Variants in DACH2 observed in about 807,000 individuals in gnomAD.
DACH2 encodes the protein dachshund family transcription factor 2, also known as dachshund homolog 2.
A neutral mutation model predicts 35.8 loss-of-function variants in DACH2; 17 were observed. That is an observed-to-expected ratio of 0.48 (90% CI 0.33 to 0.71). The LOEUF is 0.71. DACH2 is among the 30% of genes least tolerant of loss of function. DACH2 has a pLI of 0.02. For synonymous variants in DACH2, 195 were observed against 177.3 expected, an observed-to-expected ratio of 1.10 and a Z score of -0.79; for missense variants, 469 against 472.7, an observed-to-expected ratio of 0.99 and a Z score of 0.07.
In DACH2 at chrX:86,444,620, G is replaced by C. The variant is rs773065425; in HGVS notation, c.527+67758G>C. 1.3e-4 allele frequency among the ~76,000 whole-genome samples: 15 copies of C among 111,381 alleles called. No individual in the cohort carries two copies. The South Asian group carries it at 5.6e-3, about 41-fold the overall frequency. Reference sequence around the variant, plus strand: ...GTTATTTTATATTTCTGTGGTATCAGTTGTAATATCTCCTTTTTCATCTCT... The same window carrying C: ...GTTATTTTATATTTCTGTGGTATCACTTGTAATATCTCCTTTTTCATCTCT... On this transcript the variant is annotated intron_variant, in intron 2 of 11. Coordinates refer to ENST00000373125, the MANE Select transcript of DACH2 (RefSeq NM_053281.3).
rs917838907 is a variant in DACH2 at position 86,645,293 on chromosome X, C to T, written c.641-5743C>T. ...TTTTCAAAAGAAGACCTACATGCAGCGAACAAGCATATGAAAAAACAACTC... is the reference window on the plus strand; with the variant it reads ...TTTTCAAAAGAAGACCTACATGCAGTGAACAAGCATATGAAAAAACAACTC... On this transcript the variant is annotated intron_variant, in intron 3 of 11. Coordinates refer to ENST00000373125, the MANE Select transcript of DACH2 (RefSeq NM_053281.3). Among the ~76,000 whole-genome samples, 7 of 110,509 alleles carry T rather than the reference C, an allele frequency of 6.3e-5. No homozygotes were observed. The East Asian group carries it at 1.1e-3, about 18-fold the overall frequency.
intron 1 of DACH2, among the ~76,000 whole-genome samples, chrX:86,231,756 G>T (rs189350303): frequency 1.8e-5 from 2 of 112,329 alleles, no homozygotes; most frequent in East Asian, 5.7e-4. Context: ...TGACCAAGAG[G>T]CTTTTCATCC....
At chrX:86,519,741 A>G (rs2038524082) in intron 3 of DACH2, among the ~76,000 whole-genome samples, 1 of 109,106 alleles carries the variant, frequency 9.2e-6, no homozygotes, top group Non-Finnish European at 1.9e-5. Context: ...CAGTAATAAC[A>G]TTCCCTTCAT....
intron 2 of DACH2, among the ~76,000 whole-genome samples, chrX:86,443,118 T>C (rs940520193): frequency 8.9e-6 from 1 of 111,815 alleles, no homozygotes; most frequent in Non-Finnish European, 1.9e-5. Context: ...GAAATGTCAT[T>C]GATATTTTAA....
chrX:86,365,604 T>G (rs1447046826), intron 1 of DACH2, among the ~76,000 whole-genome samples: 1 of 111,910 alleles, frequency 8.9e-6, no homozygotes, highest in Non-Finnish European at 1.9e-5. Context: ...ATTTTTAATT[T>G]CCATTAAAAA....
chrX:86,378,248 A>G (rs1268535459), intron 2 of DACH2, among the ~76,000 whole-genome samples: 4 of 109,996 alleles, frequency 3.6e-5, no homozygotes, highest in African/African-American at 1.3e-4. Context: ...ATGTACATAT[A>G]TATATATAAT....
At chrX:86,748,381 A>G (rs750812202) in intron 7 of DACH2, among the ~76,000 whole-genome samples, 3 of 112,240 alleles carry the variant, frequency 2.7e-5, no homozygotes, top group African/African-American at 9.7e-5. Flanking sequence ...TTCTTAAATA[A>G]CGAAACTCGA....
intron 1 of DACH2, among the ~76,000 whole-genome samples, chrX:86,187,044 ATAT>A (rs1201221513): frequency 1.8e-5 from 2 of 111,905 alleles, no homozygotes; most frequent in Non-Finnish European, 3.8e-5. Flanking sequence ...GTTTCCTATA[ATAT>A]TATTTTATTG....
intron 1 of DACH2, among the ~76,000 whole-genome samples, chrX:86,277,645 C>T (rs1428460921): frequency 8.9e-6 from 1 of 112,094 alleles, no homozygotes; most frequent in East Asian, 2.8e-4. Flanking sequence ...TGCTAACAAA[C>T]ATACAGTGCA....
intron 7 of DACH2, among the ~76,000 whole-genome samples, chrX:86,796,199 A>G (rs1288872746): frequency 9.0e-6 from 1 of 111,337 alleles, no homozygotes; most frequent in African/African-American, 3.3e-5. Context: ...CTTTAGCTAG[A>G]CCCAGAGCGC....
At chrX:86,467,294 C>T (rs915033451) in intron 2 of DACH2, among the ~76,000 whole-genome samples, 2 of 111,294 alleles carry the variant, frequency 1.8e-5, no homozygotes, top group African/African-American at 6.5e-5. Context: ...ATATCTAGGG[C>T]AGGGGCAACA....
At chrX:86,205,410 TTTCC>T (rs1316814460) in intron 1 of DACH2, among the ~76,000 whole-genome samples, 1 of 23,698 alleles carries the variant, frequency 4.2e-5, no homozygotes, top group African/African-American at 1.4e-4. Context: ...CCCTCCCTCC[TTTCC>T]TTCCTTCCTT....
chrX:86,445,082 G>C (rs2037237679), intron 2 of DACH2, among the ~76,000 whole-genome samples: 2 of 110,484 alleles, frequency 1.8e-5, no homozygotes, highest in Non-Finnish European at 3.8e-5. Flanking sequence ...ATTCATTCTT[G>C]TTTTTATAGT....
chrX:86,400,214 C>G (rs1191724212), intron 2 of DACH2, among the ~76,000 whole-genome samples: 1 of 111,614 alleles, frequency 9.0e-6, no homozygotes. Flanking sequence ...ATTCTCATGC[C>G]GTGGTTTTCA....
rs367947122 is a variant in DACH2, at chrX:86,813,115, C to T, written c.1390-15C>T. Reference sequence around the variant, plus strand: ...AGATAAGATGAACTGCATGTCATTTCCTGTACCTTGACAGGGTCTGCTGAA... The same window carrying T: ...AGATAAGATGAACTGCATGTCATTTTCTGTACCTTGACAGGGTCTGCTGAA... On this transcript the variant is annotated splice_polypyrimidine_tract_variant and intron_variant, in intron 8 of 11. Coordinates refer to ENST00000373125, the MANE Select transcript of DACH2 (RefSeq NM_053281.3). The T allele has an allele frequency of 3.3e-5, 39 of 1,199,570 alleles. No individual in the cohort carries two copies. Among genetic ancestry groups the T allele is most frequent in the Non-Finnish European group, 4.3e-5 (38 of 891,230 alleles).
chrX:86,630,084 T>G (rs1188260807), intron 3 of DACH2, among the ~76,000 whole-genome samples: 2 of 111,294 alleles, frequency 1.8e-5, no homozygotes, highest in Non-Finnish European at 3.8e-5. Context: ...ATAGATTTAG[T>G]GCAGCATTTC....
At chrX:86,428,062 C>A (rs1191670514) in intron 2 of DACH2, among the ~76,000 whole-genome samples, 1 of 111,672 alleles carries the variant, frequency 9.0e-6, no homozygotes, top group African/African-American at 3.2e-5. Context: ...GTTAGACTAC[C>A]TGTCCTATTT....
intron 7 of DACH2, among the ~76,000 whole-genome samples, chrX:86,804,506 C>T (rs1385373582): frequency 1.8e-5 from 2 of 111,783 alleles, no homozygotes; most frequent in African/African-American, 3.3e-5. Flanking sequence ...TCCCAAATCA[C>T]ATGCCCTTCT....
Position 86,281,699 on chromosome X carries a change from G to A in DACH2, c.489-95125G>A, listed in dbSNP as rs181226664. Among the ~76,000 whole-genome samples, 330 of 111,927 alleles carry A rather than the reference G, an allele frequency of 2.9e-3. 1 individual carries two copies. The highest frequency in any genetic ancestry group is 0.01 in the African/African-American group (314 of 30,799). On this transcript the variant is annotated intron_variant, in intron 1 of 11. Coordinates refer to ENST00000373125, the MANE Select transcript of DACH2 (RefSeq NM_053281.3). ...TAAAGGGTATTCAAATAGGAAGAGA[G>A]GAAGTCAAATTGGCTCTGTTTGTAG...
Sources: gnomAD v4.1 joint callset for allele counts (sites outside exome capture counted in the v4.1 genomes callset) on GRCh38, gnomAD v4.1.1 for gene constraint, MANE v1.5 for transcripts, NCBI Gene and HGNC (gene_info 2026-07-23, HGNC 2026-07-21) for gene names.